Variants in SLC12A7 observed in about 807,000 individuals in gnomAD.
SLC12A7 encodes the protein solute carrier family 12 member 7, also known as K-Cl cotransporter 4.
SLC12A7 carries 100 observed loss-of-function variants against 120.6 expected under a neutral mutation model. The observed-to-expected ratio is 0.83, with a 90% confidence interval of 0.71 to 0.98. The LOEUF (loss-of-function observed/expected upper bound fraction) is 0.98, where lower values mean the gene tolerates loss of function less well. Ranked by LOEUF, SLC12A7 falls within the 50% of genes least tolerant of loss-of-function variation. The pLI is 0.00. For synonymous variants in SLC12A7, 760 were observed against 678.0 expected (o/e 1.12, Z -1.88); for missense variants, 1,373 against 1,548.1 (o/e 0.89, Z 1.90).
At chr5:1,142,000 C>CTGCA in the SLC12A7 span, among the ~76,000 whole-genome samples, 1 of 152,144 alleles carries the variant, frequency 6.6e-6, no homozygotes, top group Non-Finnish European at 1.5e-5. Flanking sequence ...CCCCTCTTCC[C>CTGCA]TGCAGCCCTG....
rs772154561 is a variant in SLC12A7, at chr5:1,051,924, T to C, written c.*436A>G. ...GCGGAGCCATGGCCAGGGCTGACGT[T>C]TCACCTTCATCATCAGGGACAGCTT... On this transcript the variant is annotated 3_prime_UTR_variant, in exon 24 of 24. Transcript: ENST00000264930. 55 of 186,164 alleles carry C rather than the reference T, an allele frequency of 3.0e-4. 1 individual carries two copies. The highest frequency in any genetic ancestry group is 1.0e-4 in the Non-Finnish European group (9 of 90,180). The allele number at this position is 186,164 out of a possible 1,614,324, so 11.5% of individuals were successfully genotyped here. A position where few individuals can be genotyped will look rare whatever the true frequency, so the allele number is the denominator to read the frequency against.
At chr5:1,064,024 G>C in intron 19 of SLC12A7, 49 bp from the exon 20 acceptor site, 1 of 1,603,888 alleles carries the variant, frequency 6.2e-7, no homozygotes, top group Non-Finnish European at 8.5e-7. Context: ...AGCCCGTCCC[G>C]GCCCGCAGCA....
the SLC12A7 span, among the ~76,000 whole-genome samples, chr5:1,146,216 A>G: frequency 6.6e-6 from 1 of 152,138 alleles, no homozygotes; most frequent in Non-Finnish European, 1.5e-5. The surrounding 1 kb of genome is among the most constrained non-coding windows in gnomAD (Gnocchi z 6.5). Context: ...CACCTTCTTG[A>G]GGCTCCTCTG....
At chr5:1,119,764 C>T in the SLC12A7 span, among the ~76,000 whole-genome samples, 3 of 152,246 alleles carry the variant, frequency 2.0e-5, no homozygotes, top group South Asian at 2.1e-4. Flanking sequence ...AGAACACGCC[C>T]GATTCCTTCC....
Position 1,065,456 on chromosome 5 carries a change from G to A in SLC12A7, c.2264C>T (p.Thr755Ile). The change falls in exon 18 of 24, where the codon ACA becomes ATA. Residue 755 changes from threonine (T) to isoleucine (I), a missense_variant. Transcript: ENST00000264930. ...AEENIRSLMS[T>I]EKTKGFCQLV... is the part of the protein sequence containing the mutation. Reference sequence around the variant, plus strand: ...CTGGCAGAAGCCCTTGGTCTTCTCTGTGCTCATTAGGGACCGTATGTTCTG... The same window carrying A: ...CTGGCAGAAGCCCTTGGTCTTCTCTATGCTCATTAGGGACCGTATGTTCTG... The A allele has an allele frequency of 2.5e-6, 4 of 1,604,196 alleles. No individual in the cohort carries two copies. Among genetic ancestry groups the A allele is most frequent in the Non-Finnish European group, 3.4e-6 (4 of 1,174,806 alleles).
chr5:1,068,052 A>T (rs1436679149), intron 17 of SLC12A7, among the ~76,000 whole-genome samples: 1 of 152,240 alleles, frequency 6.6e-6, no homozygotes, highest in Non-Finnish European at 1.5e-5. Context: ...AGTGCCACAC[A>T]GAACAGAGCA....
chr5:1,073,796 TG>T lies in SLC12A7; in HGVS notation c.2077del (p.Gln693ArgfsTer4). The T allele has an allele frequency of 2.8e-6, 4 of 1,418,722 alleles. No homozygotes were observed. Among genetic ancestry groups the T allele is most frequent in the Admixed American group, 2.6e-5 (1 of 37,880 alleles). 87.9% of individuals were successfully genotyped at this position (1,418,722 alleles called of 1,614,324 possible). ...GPPHTKNWRPQVLVMLNLDAE... is the reference protein window; with the variant it reads ...GPPHTKNWRPXVLVMLNLDAE... ...GTCCAGGTTCAGCATCACCAGCACC[TG>T]GGGCCTGCAGCCAGGGTGGGGCGGC... On this transcript the variant is annotated frameshift_variant, in exon 17 of 24. Coordinates refer to ENST00000264930, the MANE Select transcript of SLC12A7 (RefSeq NM_006598.3). LOFTEE classifies it high-confidence loss of function.
the SLC12A7 span, among the ~76,000 whole-genome samples, chr5:1,143,348 TC>T: frequency 1.3e-5 from 2 of 152,184 alleles, no homozygotes; most frequent in African/African-American, 2.4e-5. Context: ...GGGCTGGAAG[TC>T]CCAGACCAAG....
intron 2 of SLC12A7, 121 bp from the exon 3 acceptor site, chr5:1,093,776 A>T: frequency 7.0e-7 from 1 of 1,429,364 alleles, no homozygotes; most frequent in Non-Finnish European, 9.5e-7. Context: ...CTGGGTCTGA[A>T]GCAAGCCAGA....
upstream of SLC12A7, among the ~76,000 whole-genome samples, chr5:1,113,193 A>G (rs1246229107): frequency 2.0e-5 from 3 of 152,246 alleles, no homozygotes; most frequent in East Asian, 5.8e-4. Context: ...CTAATCACCC[A>G]CAACTGCTGT....
intron 8 of SLC12A7, among the ~76,000 whole-genome samples, chr5:1,082,023 AAAGTCCAGGCTTCCCGTCTCGGGTTCTG>A: frequency 9.4e-6 from 1 of 106,842 alleles, no homozygotes; most frequent in South Asian, 2.6e-4. Flanking sequence ...CGGGTTCTGG[AAAGTCCAGGCTTCCCGTCTCGGGTTCTG>A]GAAAGCCTGG....
intron 16 of SLC12A7, among the ~76,000 whole-genome samples, chr5:1,074,164 G>A (rs990006050): frequency 3.2e-4 from 49 of 152,164 alleles, no homozygotes; most frequent in African/African-American, 9.6e-4. Flanking sequence ...AGCCCCCACC[G>A]AGGCCCTGAG....
At chr5:1,061,193 GCCGTGCGGGATCCCTGCGTCTCACCCA>G (rs1736205688) in intron 20 of SLC12A7, among the ~76,000 whole-genome samples, 1 of 22,208 alleles carries the variant, frequency 4.5e-5, no homozygotes, top group African/African-American at 6.2e-5. Flanking sequence ...CACCGCACCC[GCCGTGCGGGATCCCTGCGTCTCACCCA>G]CCGCACCCGC....
chr5:1,073,975 C>A (rs1738026507), intron 16 of SLC12A7, among the ~76,000 whole-genome samples, 174 bp from the exon 17 acceptor site: 1 of 152,066 alleles, frequency 6.6e-6, no homozygotes, highest in Non-Finnish European at 1.5e-5. Flanking sequence ...GGAAACGTGA[C>A]ACACGTGGGG....
rs761543296 is a variant in SLC12A7 at position 1,112,016 on chromosome 5, G to A, written c.-25C>T. ...TGGCCGCCTGCAGCCGACAGTCCCC[G>A]TCCCGGCCCGGCCCGCGCTGCGCCG... On this transcript the variant is annotated 5_prime_UTR_variant, in exon 1 of 24. It adds an upstream start codon to the 5' untranslated region. Transcript: ENST00000264930. 4 of 1,253,282 alleles carry A rather than the reference G, an allele frequency of 3.2e-6. No individual in the cohort carries two copies. Among genetic ancestry groups the A allele is most frequent in the Non-Finnish European group, 4.0e-6 (4 of 998,260 alleles). The allele number at this position is 1,253,282 out of a possible 1,614,324, so 77.6% of individuals were successfully genotyped here. A position where few individuals can be genotyped will look rare whatever the true frequency, so the allele number is the denominator to read the frequency against.
chr5:1,083,768 C>A lies in SLC12A7; in HGVS notation c.1106G>T (p.Gly369Val), dbSNP rs139205788. 3 of 1,612,514 alleles carry A rather than the reference C, an allele frequency of 1.9e-6. No homozygotes were observed. Among genetic ancestry groups the A allele is most frequent in the African/African-American group, 1.3e-5 (1 of 74,950 alleles). The change falls in exon 8 of 24, where the codon GGC becomes GTC. Residue 369 changes from glycine to valine, a missense_variant. Coordinates refer to ENST00000264930, the MANE Select transcript of SLC12A7 (RefSeq NM_006598.3). ...ACCCAGGAAGACACCACTGGCCGCG[C>A]CCGGGATGCCCTGGATTTCGGTGAC... The part of the protein sequence containing the change: ...NNVTEIQGIP[G>V]AASGVFLENL...
intron 9 of SLC12A7, among the ~76,000 whole-genome samples, chr5:1,080,995 GACAGAGAGAGAGACAGACAGAC>G (rs1434373007): frequency 3.7e-5 from 4 of 107,086 alleles, no homozygotes; most frequent in Non-Finnish European, 8.9e-5. Context: ...CAGAGAGAGA[GACAGAGAGAGAGACAGACAGAC>G]AGACAGAGAG....
At chr5:1,140,802 TG>T in the SLC12A7 span, among the ~76,000 whole-genome samples, 1 of 152,176 alleles carries the variant, frequency 6.6e-6, no homozygotes, top group Non-Finnish European at 1.5e-5. Context: ...AAGCACTGGC[TG>T]GGGAGGGATG....
the SLC12A7 span, among the ~76,000 whole-genome samples, chr5:1,120,424 T>C: frequency 6.6e-6 from 1 of 152,196 alleles, no homozygotes; most frequent in Non-Finnish European, 1.5e-5. Flanking sequence ...CACGTGGAGA[T>C]GCCACCTCGC....
Sources: allele counts gnomAD v4.1 joint callset (sites outside exome capture counted in the v4.1 genomes callset), GRCh38; gene constraint gnomAD v4.1.1; non-coding constraint Gnocchi (gnomAD v3.1); transcripts MANE v1.5; gene names NCBI Gene and HGNC (gene_info 2026-07-23, HGNC 2026-07-21).